SOX6: variants seen among roughly 807,000 people sequenced by gnomAD.
The protein encoded by SOX6 is SRY-box transcription factor 6.
SOX6 carries 11 observed loss-of-function variants against 97.8 expected under a neutral mutation model. The ratio of observed to expected loss-of-function variants is 0.11; its 90% CI spans 0.07 to 0.19. The LOEUF is 0.19. Ranked by LOEUF, SOX6 falls within the 10% of genes least tolerant of loss-of-function variation. The pLI is 1.00. For missense variants in SOX6, 810 were observed against 1,039.5 expected (o/e 0.78, Z 3.04); for synonymous variants, 360 against 371.4 (o/e 0.97, Z 0.35).
At chr11:15,978,804 T>C (rs1853572116) in intron 15 of SOX6, among the ~76,000 whole-genome samples, 1 of 136,372 alleles carries the variant, frequency 7.3e-6, no homozygotes. Context: ...TAAATATATA[T>C]CTATATATAA....
At chr11:16,251,792 T>C (rs955382926) in intron 3 of SOX6, among the ~76,000 whole-genome samples, 4 of 152,038 alleles carry the variant, frequency 2.6e-5, no homozygotes, top group African/African-American at 7.2e-5. Flanking sequence ...TAATCATAGA[T>C]GCAAAAATTC....
In SOX6 at chr11:16,040,367, C is replaced by A. The variant is rs182358373; in HGVS notation, c.1623+6147G>T. On this transcript the variant is annotated intron_variant, in intron 12 of 15. Coordinates refer to ENST00000683767, the MANE Select transcript of SOX6 (RefSeq NM_001367873.1). ...GTAGCTAGGCAACCAATCAAGTAGT[C>A]CTGACAACAGAAAGAAAAAGAACTT... Among the ~76,000 whole-genome samples, 35 of 152,028 alleles carry A rather than the reference C, an allele frequency of 2.3e-4. No homozygotes were observed. In the East Asian group the frequency reaches 6.6e-3, roughly 29 times the overall value.
chr11:16,443,487 C>A lies in SOX6; in HGVS notation c.-5+32828G>T, dbSNP rs1380694915. Among the ~76,000 whole-genome samples the A allele has an allele frequency of 3.3e-5, 5 of 152,226 alleles. No homozygotes were observed. The South Asian group carries it at 1.0e-3, about 32-fold the overall frequency. On this transcript the variant is annotated intron_variant, in intron 1 of 15. Transcript: ENST00000396356. ...TGTAAACCAACCACAGTGCTAGGTC[C>A]TTGACAAAATCTCCACAAATTGTTT...
At chr11:16,007,643 C>T (rs1002052999) in intron 13 of SOX6, among the ~76,000 whole-genome samples, 8 of 152,082 alleles carry the variant, frequency 5.3e-5, no homozygotes, top group Admixed American at 2.0e-4. Flanking sequence ...CTCATTAAAT[C>T]CCATTACCTT....
chr11:16,400,283 A>G (rs913151305), intron 1 of SOX6, among the ~76,000 whole-genome samples: 7 of 151,498 alleles, frequency 4.6e-5, no homozygotes, highest in African/African-American at 1.5e-4. Flanking sequence ...TAGAGAGAAC[A>G]GGAATGTTTA....
At chr11:16,051,839 G>A (rs1419424735) in intron 10 of SOX6, among the ~76,000 whole-genome samples, 2 of 151,758 alleles carry the variant, frequency 1.3e-5, no homozygotes, top group Non-Finnish European at 2.9e-5. Context: ...GCCTCTAATT[G>A]CATACATTAG....
chr11:16,179,892 A>G (rs1319500030), intron 6 of SOX6, among the ~76,000 whole-genome samples: 1 of 151,896 alleles, frequency 6.6e-6, no homozygotes, highest in African/African-American at 2.4e-5. Flanking sequence ...AGAGACACAA[A>G]TAATTGGATA....
intron 3 of SOX6, among the ~76,000 whole-genome samples, chr11:16,637,413 GT>G (rs1848806997): frequency 6.6e-6 from 1 of 152,088 alleles, no homozygotes; most frequent in African/African-American, 2.4e-5. Flanking sequence ...TAGAGATGGG[GT>G]TTCACCATGT....
At chr11:16,227,396 GAT>G (rs763101679) in intron 4 of SOX6, among the ~76,000 whole-genome samples, 1 of 151,372 alleles carries the variant, frequency 6.6e-6, no homozygotes, top group Non-Finnish European at 1.5e-5. Flanking sequence ...TTAATTCATT[GAT>G]TCATTCGTTC....
intron 15 of SOX6, among the ~76,000 whole-genome samples, chr11:15,975,815 C>CA (rs1590101702): frequency 6.8e-6 from 1 of 146,042 alleles, no homozygotes; most frequent in East Asian, 1.9e-4. Context: ...GTGAGAAAGG[C>CA]AAGCTCACAC....
upstream of SOX6, among the ~76,000 whole-genome samples, chr11:16,480,000 C>G (rs1860315287): frequency 6.6e-6 from 1 of 152,064 alleles, no homozygotes; most frequent in Non-Finnish European, 1.5e-5. Context: ...TAACACTACT[C>G]TGTAATTATT....
At chr11:16,127,329 C>G (rs893350761) in intron 6 of SOX6, among the ~76,000 whole-genome samples, 3 of 151,990 alleles carry the variant, frequency 2.0e-5, no homozygotes, top group African/African-American at 7.2e-5. Flanking sequence ...ATCTATTCTT[C>G]ATGTATACTT....
intron 3 of SOX6, among the ~76,000 whole-genome samples, chr11:16,246,346 C>G (rs900165223): frequency 6.6e-6 from 1 of 151,300 alleles, no homozygotes. Context: ...TTTACAGTAA[C>G]CTTCATTACT....
intron 1 of SOX6, among the ~76,000 whole-genome samples, chr11:16,445,448 T>C (rs767231224): frequency 6.6e-6 from 1 of 152,220 alleles, no homozygotes; most frequent in Non-Finnish European, 1.5e-5. Context: ...TGCAGCCATG[T>C]ATCTGTGGGC....
intron 5 of SOX6, among the ~76,000 whole-genome samples, chr11:16,185,464 C>T (rs1333568511): frequency 6.6e-6 from 1 of 152,102 alleles, no homozygotes; most frequent in African/African-American, 2.4e-5. Flanking sequence ...TCCAAAACAC[C>T]ACAGTGCAAT....
chr11:16,230,176 A>C (rs1852806293), intron 4 of SOX6, among the ~76,000 whole-genome samples: 1 of 151,856 alleles, frequency 6.6e-6, no homozygotes, highest in African/African-American at 2.4e-5. Flanking sequence ...TAAATGAAAA[A>C]GGATATTTTA....
intron 6 of SOX6, among the ~76,000 whole-genome samples, chr11:16,122,976 G>A (rs1849528999): frequency 1.3e-5 from 2 of 152,020 alleles, no homozygotes; most frequent in South Asian, 4.1e-4. Flanking sequence ...TGGCCCTGCT[G>A]TGGTCTAACT....
chr11:16,370,670 T>C (rs297328), intron 1 of SOX6, among the ~76,000 whole-genome samples: 29,201 of 151,928 alleles, frequency 0.19, 3,235 homozygotes, highest in Admixed American at 0.33. Flanking sequence ...GCTTTTGATA[T>C]TCCCTCTAAA....
At chr11:16,189,621 A>G (rs968275139) in intron 4 of SOX6, among the ~76,000 whole-genome samples, 4 of 152,136 alleles carry the variant, frequency 2.6e-5, no homozygotes, top group Non-Finnish European at 5.9e-5. Context: ...TTATTCTAAG[A>G]ATGATTCCTA....
Sources: gnomAD v4.1 joint callset for allele counts (sites outside exome capture counted in the v4.1 genomes callset) on GRCh38, gnomAD v4.1.1 for gene constraint, MANE v1.5 for transcripts, NCBI Gene and HGNC (gene_info 2026-07-23, HGNC 2026-07-21) for gene names.